PRKG1: variants seen among roughly 807,000 people sequenced by gnomAD.
The protein encoded by PRKG1 is cGMP-dependent protein kinase 1.
In PRKG1, 35 loss-of-function variants were observed where a neutral mutation model predicts 88.1. The ratio of observed to expected loss-of-function variants is 0.40; its 90% CI spans 0.30 to 0.53. The LOEUF (loss-of-function observed/expected upper bound fraction) is 0.53. Among genes scored for constraint, PRKG1 ranks in the 20% least tolerant of loss-of-function variants. PRKG1 has a pLI of 0.59. For missense variants in PRKG1, 540 were observed against 839.8 expected, an observed-to-expected ratio of 0.64 and a Z score of 4.41; for synonymous variants, 303 against 292.5, an observed-to-expected ratio of 1.04 and a Z score of -0.37.
At chr10:51,034,115 C>A (rs1419971533) in intron 1 of PRKG1, among the ~76,000 whole-genome samples, 3 of 152,132 alleles carry the variant, frequency 2.0e-5, no homozygotes, top group East Asian at 1.9e-4. Flanking sequence ...TTGGACATTA[C>A]AGTTATTAAT....
intron 9 of PRKG1, among the ~76,000 whole-genome samples, chr10:52,207,822 C>G (rs1374847414): frequency 6.6e-6 from 1 of 152,134 alleles, no homozygotes; most frequent in African/African-American, 2.4e-5. Flanking sequence ...CCAGCTTACT[C>G]CCCCTTCAGC....
At chr10:51,731,267 A>G (rs1172289725) in intron 3 of PRKG1, among the ~76,000 whole-genome samples, 1 of 152,192 alleles carries the variant, frequency 6.6e-6, no homozygotes, top group Non-Finnish European at 1.5e-5. Flanking sequence ...AAGTAATAAC[A>G]TTAGCAGAAA....
At chr10:52,158,902 A>T (rs1838200078) in intron 8 of PRKG1, among the ~76,000 whole-genome samples, 2 of 151,512 alleles carry the variant, frequency 1.3e-5, no homozygotes, top group African/African-American at 4.8e-5. Flanking sequence ...CTCCTCCTTC[A>T]ACTGTGTGTA....
intron 4 of PRKG1, among the ~76,000 whole-genome samples, chr10:51,875,180 AACACACCTGAATTAG>A (rs1384000985): frequency 6.6e-6 from 1 of 152,146 alleles, no homozygotes; most frequent in East Asian, 1.9e-4. Flanking sequence ...AGAAATACCA[AACACACCTGAATTAG>A]GTAAGTGTTG....
In PRKG1 at chr10:51,697,696, CTT is replaced by C. The variant is rs763289523; in HGVS notation, c.593-106887_593-106886del. The C allele has an allele frequency of 3.7e-6, 6 of 1,613,722 alleles. No homozygotes were observed. In the Admixed American group the frequency reaches 1.0e-4, roughly 27 times the overall value. On this transcript the variant is annotated intron_variant, in intron 3 of 17. Transcript: ENST00000373980. The stretch of plus-strand genomic sequence containing the variant: ...ACTACAGCCAAATATTTTCTAAAAC[CTT>C]TCAAGACGCTCCAGTGGATTTCTGG...
chr10:51,152,681 T>TA (rs1321546582), intron 1 of PRKG1, among the ~76,000 whole-genome samples: 1 of 151,984 alleles, frequency 6.6e-6, no homozygotes, highest in Non-Finnish European at 1.5e-5. Context: ...AAGAGGCACA[T>TA]AAAAAATAAG....
intron 3 of PRKG1, among the ~76,000 whole-genome samples, chr10:51,599,486 T>C (rs997754585): frequency 6.6e-6 from 1 of 152,238 alleles, no homozygotes; most frequent in Non-Finnish European, 1.5e-5. Context: ...ATATATTTCA[T>C]CATTCACAAA....
At chr10:51,020,405 A>T (rs1444741054) in intron 1 of PRKG1, among the ~76,000 whole-genome samples, 1 of 152,162 alleles carries the variant, frequency 6.6e-6, no homozygotes, top group Admixed American at 6.5e-5. Flanking sequence ...CCGTTTAACA[A>T]CATTTTTTAG....
intron 3 of PRKG1, among the ~76,000 whole-genome samples, chr10:51,786,172 T>C (rs1269136423): frequency 1.3e-5 from 2 of 152,190 alleles, no homozygotes; most frequent in Non-Finnish European, 2.9e-5. Context: ...AGTTTGTTGA[T>C]AACTTATTAA....
chr10:51,719,410 A>G (rs1217151106), intron 3 of PRKG1, among the ~76,000 whole-genome samples: 1 of 152,222 alleles, frequency 6.6e-6, no homozygotes, highest in Non-Finnish European at 1.5e-5. Context: ...TGTGATAATC[A>G]TCTCCCAAAT....
At chr10:51,804,731 CT>C in intron 4 of PRKG1, 41 bp downstream of exon 4, 1 of 1,390,360 alleles carries the variant, frequency 7.2e-7, no homozygotes, top group Non-Finnish European at 1.0e-6. Context: ...GTTTACTTTC[CT>C]TTTAGCCCTA....
intron 1 of PRKG1, among the ~76,000 whole-genome samples, chr10:51,143,991 AT>A (rs1163017066): frequency 6.6e-6 from 1 of 151,694 alleles, no homozygotes. Context: ...ATATTTGTCT[AT>A]TTTTGTTTTT....
chr10:52,149,405 G>A (rs1043351793), intron 8 of PRKG1, among the ~76,000 whole-genome samples: 6 of 151,882 alleles, frequency 4.0e-5, no homozygotes, highest in Admixed American at 6.6e-5. Flanking sequence ...ACTGAATTAT[G>A]TCCACCCCAA....
intron 2 of PRKG1, among the ~76,000 whole-genome samples, chr10:51,165,449 A>G (rs1564624058): frequency 6.6e-6 from 1 of 152,330 alleles, no homozygotes; most frequent in Admixed American, 6.5e-5. Context: ...AAATCATGCC[A>G]AATTGTAAAG....
At chr10:52,267,036 TA>T (rs1320501936) in intron 10 of PRKG1, among the ~76,000 whole-genome samples, 1 of 117,124 alleles carries the variant, frequency 8.5e-6, no homozygotes, top group African/African-American at 3.1e-5. Flanking sequence ...ACCAACTTGC[TA>T]AAAAATCATC....
At chr10:51,633,623 T>C (rs1350957366) in intron 3 of PRKG1, among the ~76,000 whole-genome samples, 3 of 152,154 alleles carry the variant, frequency 2.0e-5, no homozygotes, top group African/African-American at 7.2e-5. Flanking sequence ...AAGAGATTGG[T>C]GTGGTCTGTG....
intron 5 of PRKG1, among the ~76,000 whole-genome samples, chr10:51,988,261 T>C (rs964926613): frequency 2.6e-5 from 4 of 152,108 alleles, no homozygotes; most frequent in African/African-American, 7.2e-5. Flanking sequence ...TACTGATTAA[T>C]ATATTTTTGA....
chr10:51,808,430 T>C (rs949967313), intron 4 of PRKG1, among the ~76,000 whole-genome samples: 3 of 152,006 alleles, frequency 2.0e-5, no homozygotes, highest in South Asian at 4.1e-4. Flanking sequence ...ACCCTGTCTC[T>C]GCAAAAAATA....
intron 3 of PRKG1, among the ~76,000 whole-genome samples, chr10:51,765,455 A>G (rs1838133189): frequency 6.6e-6 from 1 of 152,184 alleles, no homozygotes; most frequent in Admixed American, 6.5e-5. Context: ...TCTATGATTC[A>G]GTCTTAGTTT....
Sources: allele counts gnomAD v4.1 joint callset (sites outside exome capture counted in the v4.1 genomes callset), GRCh38; gene constraint gnomAD v4.1.1; transcripts MANE v1.5; gene names NCBI Gene and HGNC (gene_info 2026-07-23, HGNC 2026-07-21).